ILDR2: variants seen among roughly 807,000 people sequenced by gnomAD.
ILDR2 encodes the protein immunoglobulin-like domain-containing receptor 2.
Under a neutral mutation model 66.8 loss-of-function variants are expected in ILDR2, and 25 were observed. The ratio of observed to expected loss-of-function variants is 0.37; its 90% CI spans 0.27 to 0.52. The LOEUF (loss-of-function observed/expected upper bound fraction) is 0.52, where lower values mean the gene tolerates loss of function less well. Ranked by LOEUF, ILDR2 falls within the 20% of genes least tolerant of loss-of-function variation. The probability of loss-of-function intolerance (pLI) is 0.88; values close to 1 mark genes in which losing one functional copy is unlikely to be tolerated. For synonymous variants in ILDR2, 367 were observed against 357.2 expected, an observed-to-expected ratio of 1.03 and a Z score of -0.31; for missense variants, 827 against 876.8, an observed-to-expected ratio of 0.94 and a Z score of 0.72.
intron 6 of ILDR2, among the ~76,000 whole-genome samples, chr1:166,932,760 T>C (rs1660709984): frequency 1.3e-5 from 2 of 152,224 alleles, no homozygotes; most frequent in South Asian, 4.1e-4. Context: ...CCACACATTG[T>C]TCAAAAGACT....
Position 166,935,294 on chromosome 1 carries a change from C to T in ILDR2, c.880+7G>A. 6.2e-7 allele frequency: 1 copy of T among 1,614,084 alleles called. No homozygotes were observed. Among genetic ancestry groups the T allele is most frequent in the Non-Finnish European group, 8.5e-7 (1 of 1,179,996 alleles). On this transcript the variant is annotated splice_region_variant and intron_variant, in intron 6 of 9. Transcript: ENST00000271417. ...GCATGGGCAGGGCAGTCTGGAACTA[C>T]ATTTACCACTGTGGCTTCCTCCAGT...
chr1:166,935,523 TC>T, intron 5 of ILDR2, 46 bp from the exon 6 acceptor site: 1 of 1,485,966 alleles, frequency 6.7e-7, no homozygotes, highest in Non-Finnish European at 9.0e-7. Flanking sequence ...CGTCCCACCC[TC>T]CACAACCCTC....
chr1:166,909,779 A>T lies in ILDR2; in HGVS notation c.*9576T>A, dbSNP rs1659432224. 2.5e-5 allele frequency: 1 copy of T among 40,376 alleles called. No homozygotes were observed. The highest frequency in any genetic ancestry group is 6.9e-4 in the South Asian group (1 of 1,440). 2.5% of individuals were successfully genotyped at this position (40,376 alleles called of 1,614,324 possible). ...TATATAAATATATATAAATATATATATTTATATATATATATATATATATAT... is the reference window on the plus strand; with the variant it reads ...TATATAAATATATATAAATATATATTTTTATATATATATATATATATATAT... On this transcript the variant is annotated 3_prime_UTR_variant, in exon 10 of 10. Transcript: ENST00000271417.
chr1:166,958,785 C>A (rs1381238294), intron 1 of ILDR2, among the ~76,000 whole-genome samples: 1 of 152,146 alleles, frequency 6.6e-6, no homozygotes, highest in African/African-American at 2.4e-5. Context: ...CAAAATATTA[C>A]AATAATCTTT....
At chr1:166,971,174 C>T (rs569176415) in intron 1 of ILDR2, among the ~76,000 whole-genome samples, 112 of 152,332 alleles carry the variant, frequency 7.4e-4, no homozygotes, top group African/African-American at 2.6e-3. Flanking sequence ...CAATGCTACT[C>T]CATAACTGGT....
intron 1 of ILDR2, among the ~76,000 whole-genome samples, chr1:166,971,858 A>T (rs1226497428): frequency 6.6e-6 from 1 of 152,230 alleles, no homozygotes; most frequent in African/African-American, 2.4e-5. Flanking sequence ...TATAATACTT[A>T]GAAATCACAG....
chr1:166,964,579 G>A (rs56190430), intron 1 of ILDR2, among the ~76,000 whole-genome samples: 11,324 of 152,150 alleles, frequency 0.074, 920 homozygotes, highest in African/African-American at 0.21. Flanking sequence ...TTAGCAGGTG[G>A]TCCCCAGCTC....
chr1:166,943,650 T>A (rs1314987684), intron 3 of ILDR2: 1 of 183,618 alleles, frequency 5.4e-6, no homozygotes, highest in Admixed American at 6.5e-5. Context: ...TAACAATTCC[T>A]AAGAAATGTT....
chr1:166,901,605 A>T (rs78186647), intron 2 of ILDR2, among the ~76,000 whole-genome samples: 2,443 of 152,264 alleles, frequency 0.016, 29 homozygotes, highest in Non-Finnish European at 0.027. Context: ...CTGATTTCTC[A>T]AATGTTATAG....
chr1:166,935,036 C>T (rs1660862191), intron 6 of ILDR2, among the ~76,000 whole-genome samples: 1 of 152,144 alleles, frequency 6.6e-6, no homozygotes. Context: ...GAATAATCAA[C>T]ATTCAAGGGA....
intron 6 of ILDR2, chr1:166,933,439 G>T: frequency 3.2e-6 from 1 of 317,122 alleles, no homozygotes; most frequent in Non-Finnish European, 4.6e-6. Flanking sequence ...AGAGGAACTA[G>T]GTCCTTCAGG....
chr1:166,940,917 TC>T (rs1179907426), intron 3 of ILDR2, among the ~76,000 whole-genome samples: 4 of 152,172 alleles, frequency 2.6e-5, no homozygotes, highest in Non-Finnish European at 5.9e-5. Context: ...TGTCCCTTCC[TC>T]TATCAAGTCA....
chr1:166,920,409 G>A (rs1464988108), intron 9 of ILDR2, among the ~76,000 whole-genome samples: 2 of 152,210 alleles, frequency 1.3e-5, no homozygotes, highest in African/African-American at 2.4e-5. Flanking sequence ...AGGCTTCTGA[G>A]TTGGTTAAAT....
At chr1:166,963,315 T>C (rs555568374) in intron 1 of ILDR2, among the ~76,000 whole-genome samples, 1 of 152,362 alleles carries the variant, frequency 6.6e-6, no homozygotes, top group Non-Finnish European at 1.5e-5. Flanking sequence ...AGTATCCTAA[T>C]GAATTCTCTC....
intron 3 of ILDR2, among the ~76,000 whole-genome samples, chr1:166,953,343 G>T (rs942966543): frequency 6.6e-6 from 1 of 152,148 alleles, no homozygotes; most frequent in African/African-American, 2.4e-5. Context: ...TTGCATATAA[G>T]ATACTTCACA....
chr1:166,900,525 T>G (rs2101812249), intron 2 of ILDR2, among the ~76,000 whole-genome samples: 1 of 152,336 alleles, frequency 6.6e-6, no homozygotes, highest in Admixed American at 6.5e-5. Flanking sequence ...AATTACAATA[T>G]TCTCTAATAT....
Position 166,921,250 on chromosome 1 carries a change from G to T in ILDR2, c.1341C>A (p.Asn447Lys), listed in dbSNP as rs1441175580. ...YGQRPRRADGNSHEARGGSRF... is the reference protein window; with the variant it reads ...YGQRPRRADGKSHEARGGSRF... The stretch of plus-strand genomic sequence containing the variant: ...GGCTCCCGCCCCGCGCCTCGTGACT[G>T]TTGCCGTCTGCCCGGCGGGGCCGCT... The change falls in exon 9 of 10, where the codon AAC (asparagine) becomes AAA (lysine). Residue 447 changes from asparagine to lysine, a missense_variant. By Grantham distance (94) the Asn-to-Lys change is moderately conservative. Around this residue, in one of 2 missense-constraint regions of ILDR2, gnomAD observed 390 missense variants for 353.6 expected, o/e 1.10. Transcript: ENST00000271417. This position sits in a 1 kb window ranked among gnomAD's most constrained non-coding sequence, Gnocchi z 5.3. 6.3e-7 allele frequency: 1 copy of T among 1,598,842 alleles called. No homozygotes were observed.
intron 6 of ILDR2, 61 bp downstream of exon 6, chr1:166,935,240 C>T: frequency 6.4e-7 from 1 of 1,554,886 alleles, no homozygotes; most frequent in Non-Finnish European, 8.9e-7. Context: ...TTCTTAACAA[C>T]AAGGAACCAC....
downstream of ILDR2, among the ~76,000 whole-genome samples, chr1:166,905,378 G>A (rs1462310731): frequency 6.6e-6 from 1 of 152,192 alleles, no homozygotes; most frequent in Non-Finnish European, 1.5e-5. Context: ...CATTTGGTAT[G>A]CACTGAAGGA....
Sources: gnomAD v4.1 joint callset for allele counts (sites outside exome capture counted in the v4.1 genomes callset) on GRCh38, gnomAD v4.1.1 for gene constraint, gnomAD v4.1.1 regional missense constraint, Gnocchi (gnomAD v3.1) non-coding constraint, MANE v1.5 for transcripts, NCBI Gene and HGNC (gene_info 2026-07-23, HGNC 2026-07-21) for gene names.